The following PFKFB2 variants were observed in gnomAD, a reference collection of about 807,000 sequenced individuals.
The protein encoded by PFKFB2 is 6-phosphofructo-2-kinase/fructose-2,6-biphosphatase 2.
In PFKFB2, 53 loss-of-function variants were observed where a neutral mutation model predicts 68.0. The observed-to-expected ratio is 0.78, with a 90% CI of 0.63 to 0.98. The LOEUF (loss-of-function observed/expected upper bound fraction) is 0.98, where lower values mean the gene tolerates loss of function less well. Among genes scored for constraint, PFKFB2 ranks in the 50% least tolerant of loss-of-function variants. PFKFB2 has a pLI of 0.00. For synonymous variants in PFKFB2, 222 were observed against 227.6 expected, an observed-to-expected ratio of 0.98 and a Z score of 0.22; for missense variants, 451 against 642.0, an observed-to-expected ratio of 0.70 and a Z score of 3.22.
At chr1:207,050,743 C>T, upstream of PFKFB2, 1 of 1,613,378 alleles carries the variant, frequency 6.2e-7, no homozygotes, top group African/African-American at 1.3e-5. Context: ...GATCCAGGCA[C>T]TCGGGAGGGT....
chr1:207,037,867 GATA>G (rs1278064426), intron 1 of PFKFB2, among the ~76,000 whole-genome samples: 3 of 152,172 alleles, frequency 2.0e-5, no homozygotes, highest in Non-Finnish European at 4.4e-5. Flanking sequence ...AAATAGAGAT[GATA>G]ATAATAGCAC....
Position 207,072,226 on chromosome 1 carries a change from C to T in PFKFB2, c.1373C>T (p.Thr458Ile). The T allele has an allele frequency of 6.2e-7, 1 of 1,614,064 alleles. No individual in the cohort carries two copies. The highest frequency in any genetic ancestry group is 8.5e-7 in the Non-Finnish European group (1 of 1,179,974). Residue 458 changes from threonine (T) to isoleucine (I), a missense_variant, in exon 15 of 15, where the codon ACC (threonine) becomes ATC (isoleucine). Thr to Ile is a moderately conservative substitution (Grantham distance 89). Coordinates refer to ENST00000367080, the MANE Select transcript of PFKFB2 (RefSeq NM_006212.2). Reference sequence around the variant, plus strand: ...CAGAACAACTTCCCCAAGAACCAAACCCCTGTAAGGATGAGAAGGAACAGC... The same window carrying T: ...CAGAACAACTTCCCCAAGAACCAAATCCCTGTAAGGATGAGAAGGAACAGC... ...KPTNNFPKNQ[T>I]PVRMRRNSFT...
rs1308969814 is a variant in PFKFB2 at position 207,075,652 on chromosome 1, T to C, written c.*3281T>C. 10 of 982,364 alleles carry C rather than the reference T, an allele frequency of 1.0e-5. No homozygotes were observed. Among genetic ancestry groups the C allele is most frequent in the Non-Finnish European group, 1.2e-5 (10 of 827,248 alleles). 60.9% of individuals were successfully genotyped at this position (982,364 alleles called of 1,614,324 possible). ...TAATCTACTGGAATAAGCTGGTTGC[T>C]GTGGCTTATACCTGTAGTCCCAGAT... is the stretch of plus-strand genomic sequence containing the variant. On this transcript the variant is annotated 3_prime_UTR_variant, in exon 15 of 15. Transcript: ENST00000367080.
chr1:207,071,431 G>T (rs1683462522), intron 13 of PFKFB2, 78 bp from the exon 14 acceptor site: 15 of 1,227,724 alleles, frequency 1.2e-5, no homozygotes, highest in Admixed American at 1.7e-5. Context: ...ACATTCCTTT[G>T]TGGTATACTT....
Position 207,072,196 on chromosome 1 carries a change from C to G in PFKFB2, c.1351-8C>G. The G allele has an allele frequency of 6.2e-7, 1 of 1,612,850 alleles. No individual in the cohort carries two copies. The highest frequency in any genetic ancestry group is 8.5e-7 in the Non-Finnish European group (1 of 1,179,404). ...TCATTTGTGTGGTGTCACTCCATTT[C>G]CAATCAGAACAACTTCCCCAAGAAC... On this transcript the variant is annotated splice_polypyrimidine_tract_variant and splice_region_variant and intron_variant, in intron 14 of 14. Transcript: ENST00000367080.
chr1:207,034,803 C>T (rs1183466881), intron 1 of PFKFB2: 2 of 152,184 alleles, frequency 1.3e-5, no homozygotes, highest in African/African-American at 4.8e-5. Flanking sequence ...ACTTACAAGC[C>T]TTGAGCCTCC....
chr1:207,045,731 G>T (rs1682585243), intron 2 of PFKFB2: 1 of 151,918 alleles, frequency 6.6e-6, no homozygotes, highest in African/African-American at 2.4e-5. Flanking sequence ...TCCACAGAAG[G>T]AATAAACTAG....
chr1:207,047,780 A>AT (rs1682634616), intron 2 of PFKFB2: 2 of 152,492 alleles, frequency 1.3e-5, no homozygotes, highest in African/African-American at 2.4e-5. Flanking sequence ...AGGATTTACA[A>AT]TTTTTTCTAT....
chr1:207,068,095 A>AGTGTGTATGTGTGT (rs1683349343), intron 9 of PFKFB2, 68 bp from the exon 10 acceptor site: 1 of 976,742 alleles, frequency 1.0e-6, no homozygotes, highest in African/African-American at 1.7e-5. Context: ...GTGTGTGTTG[A>AGTGTGTATGTGTGT]GTGTGTGTGT....
At chr1:207,065,181 T>A in intron 8 of PFKFB2, 21 bp downstream of exon 8, 1 of 1,613,038 alleles carries the variant, frequency 6.2e-7, no homozygotes, top group Non-Finnish European at 8.5e-7. Flanking sequence ...AGGCCATGGT[T>A]TGAAGGGCCC....
At position 207,077,473 on chromosome 1, in the gene PFKFB2, A is replaced by G. The variant is rs1683660277; in HGVS notation, c.*5102A>G. 2.0e-6 allele frequency: 2 copies of G among 985,394 alleles called. No individual in the cohort carries two copies. Among genetic ancestry groups the G allele is most frequent in the African/African-American group, 1.7e-5 (1 of 57,324 alleles). 61.0% of individuals were successfully genotyped at this position (985,394 alleles called of 1,614,324 possible). ...TTATATTGACCTAACAAGAAGATCAACTTATGCTGGTATGGTGATGGTTTT... is the reference window on the plus strand; with the variant it reads ...TTATATTGACCTAACAAGAAGATCAGCTTATGCTGGTATGGTGATGGTTTT... On this transcript the variant is annotated 3_prime_UTR_variant, in exon 15 of 15. Transcript: ENST00000367080.
chr1:207,035,188 T>C, intron 1 of PFKFB2: 1 of 985,590 alleles, frequency 1.0e-6, no homozygotes, highest in South Asian at 4.7e-5. Flanking sequence ...TCCTTCTCCA[T>C]TCTTGCATGC....
At chr1:207,058,388 T>A (rs1195909817) in intron 2 of PFKFB2, among the ~76,000 whole-genome samples, 1 of 152,216 alleles carries the variant, frequency 6.6e-6, no homozygotes, top group Non-Finnish European at 1.5e-5. Flanking sequence ...GGAGAGCAAG[T>A]TGTGTTTACC....
intron 2 of PFKFB2, chr1:207,055,057 G>T: frequency 2.4e-6 from 1 of 409,534 alleles, no homozygotes; most frequent in Non-Finnish European, 4.5e-6. Flanking sequence ...TGTCTCCTGG[G>T]ATGTTTGCAC....
intron 2 of PFKFB2, chr1:207,043,965 A>C (rs774519789): frequency 5.2e-5 from 8 of 152,774 alleles, no homozygotes; most frequent in African/African-American, 1.4e-4. Flanking sequence ...GCAAAATCAC[A>C]TAAGAGTTGT....
Position 207,071,209 on chromosome 1 carries a change from GC to G in PFKFB2, c.1247del (p.Pro416LeufsTer27). ...TCAGATGAGCTACCATACTTGAGAT[GC>G]CCTCTCCATACCATCTTCAAACTTA... is the stretch of plus-strand genomic sequence containing the variant. Reference protein sequence around the residue: ...KGADELPYLRCPLHTIFKLTP... With the variant: ...KGADELPYLRXPLHTIFKLTP... On this transcript the variant is annotated frameshift_variant, in exon 13 of 15. Coordinates refer to ENST00000367080, the MANE Select transcript of PFKFB2 (RefSeq NM_006212.2). LOFTEE classifies it high-confidence loss of function. 1 of 1,613,776 alleles carries G rather than the reference GC, an allele frequency of 6.2e-7. No homozygotes were observed. The highest frequency in any genetic ancestry group is 8.5e-7 in the Non-Finnish European group (1 of 1,179,718).
At position 207,076,500 on chromosome 1, in the gene PFKFB2, T is replaced by TCG. The variant is rs1434278164; in HGVS notation, c.*4130_*4131dup. Reference sequence around the variant, plus strand: ...TTATTGAAAATATGTAACAACTGAGTCGGGTTGCAGCACTGGTGGGGTAGA... The same window carrying TCG: ...TTATTGAAAATATGTAACAACTGAGTCGCGGGTTGCAGCACTGGTGGGGTAGA... On this transcript the variant is annotated 3_prime_UTR_variant, in exon 15 of 15. Coordinates refer to ENST00000367080, the MANE Select transcript of PFKFB2 (RefSeq NM_006212.2). The TCG allele has an allele frequency of 6.1e-6, 6 of 985,194 alleles. No homozygotes were observed. Among genetic ancestry groups the TCG allele is most frequent in the Non-Finnish European group, 7.2e-6 (6 of 829,894 alleles). The allele number at this position is 985,194 out of a possible 1,614,324, so 61.0% of individuals were successfully genotyped here.
At position 207,075,786 on chromosome 1, in the gene PFKFB2, G is replaced by A; in HGVS notation, c.*3415G>A. 1.0e-6 allele frequency: 1 copy of A among 984,714 alleles called. No individual in the cohort carries two copies. Among genetic ancestry groups the A allele is most frequent in the Non-Finnish European group, 1.2e-6 (1 of 829,242 alleles). 61.0% of individuals were successfully genotyped at this position (984,714 alleles called of 1,614,324 possible). On this transcript the variant is annotated 3_prime_UTR_variant, in exon 15 of 15. Transcript: ENST00000367080. ...AATTTACTTGTCTAAAGTGGGGAAA[G>A]GGAAATTATTCTGTTTTCTTATTCT... is the stretch of plus-strand genomic sequence containing the variant.
At chr1:207,053,897 ATTTTTCATTTTTTT>A (rs1682831050) in intron 1 of PFKFB2, among the ~76,000 whole-genome samples, 2 of 119,762 alleles carry the variant, frequency 1.7e-5, no homozygotes, top group African/African-American at 3.3e-5. Context: ...TTTCTTTTTC[ATTTTTCATTTTTTT>A]TTTTTTTTTT....
Sources: allele counts gnomAD v4.1 joint callset (sites outside exome capture counted in the v4.1 genomes callset), GRCh38; gene constraint gnomAD v4.1.1; transcripts MANE v1.5; gene names NCBI Gene and HGNC (gene_info 2026-07-23, HGNC 2026-07-21).